WWC1: variants seen among roughly 807,000 people sequenced by gnomAD.
WWC1 encodes the protein WW and C2 domain containing 1.
In WWC1, 55 loss-of-function variants were observed where a neutral mutation model predicts 138.4. The ratio of observed to expected loss-of-function variants is 0.40; its 90% CI spans 0.32 to 0.50. WWC1 has a LOEUF of 0.50. Among genes scored for constraint, WWC1 ranks in the 20% least tolerant of loss-of-function variants. The pLI, the probability that WWC1 is intolerant of heterozygous loss-of-function variation, is 0.72. For missense variants in WWC1, 1,226 were observed against 1,420.4 expected, an observed-to-expected ratio of 0.86 and a Z score of 2.20; for synonymous variants, 524 against 564.9, an observed-to-expected ratio of 0.93 and a Z score of 1.03.
chr5:168,414,003 T>C lies in WWC1; in HGVS notation c.942-345T>C, dbSNP rs78356921. The C allele has an allele frequency of 9.7e-3, 2,459 of 254,816 alleles. 42 individuals are homozygous for C. Among genetic ancestry groups the C allele is most frequent in the Middle Eastern group, 0.01 (8 of 768 alleles). The allele number at this position is 254,816 out of a possible 1,614,324, so 15.8% of individuals were successfully genotyped here. A position where few individuals can be genotyped will look rare whatever the true frequency, so the allele number is the denominator to read the frequency against. ...AATAACATGAGGAAAGAGCTTTTGT[T>C]ATTCCATTCAGAGAGATGAGCAACT... On this transcript the variant is annotated intron_variant, in intron 8 of 22. Transcript: ENST00000265293.
At chr5:168,442,873 A>G (rs1754910732) in intron 16 of WWC1, among the ~76,000 whole-genome samples, 1 of 151,760 alleles carries the variant, frequency 6.6e-6, no homozygotes, top group Non-Finnish European at 1.5e-5. Flanking sequence ...AAAAGCTTAT[A>G]TTTGCTTATT....
intron 1 of WWC1, among the ~76,000 whole-genome samples, chr5:168,350,917 G>A (rs151169803): frequency 0.058 from 8,850 of 152,066 alleles, 348 homozygotes; most frequent in African/African-American, 0.11. Context: ...AGGCCGAGGC[G>A]GGCGGATCAT....
chr5:168,320,856 T>C (rs1236298451), intron 1 of WWC1, among the ~76,000 whole-genome samples: 1 of 152,024 alleles, frequency 6.6e-6, no homozygotes, highest in Non-Finnish European at 1.5e-5. Context: ...ATGTCTGGTT[T>C]CAAGAATGAG....
intron 9 of WWC1, chr5:168,416,653 C>G (rs1284267421): frequency 6.6e-6 from 1 of 152,202 alleles, no homozygotes; most frequent in African/African-American, 2.4e-5. Context: ...AGAACAGATT[C>G]ATGGCAGCTT....
chr5:168,304,828 C>T (rs1770403642), intron 1 of WWC1, among the ~76,000 whole-genome samples: 1 of 141,632 alleles, frequency 7.1e-6, no homozygotes, highest in Non-Finnish European at 1.6e-5. Context: ...AGCTTATGAA[C>T]TTTTTTTTTT....
intron 1 of WWC1, among the ~76,000 whole-genome samples, chr5:168,301,171 CA>C (rs1489303212): frequency 1.3e-5 from 2 of 152,142 alleles, no homozygotes; most frequent in African/African-American, 4.8e-5. Flanking sequence ...GGCCGAGAGA[CA>C]AGTCAAGTGA....
At chr5:168,416,064 A>G (rs993706048) in intron 9 of WWC1, 3 of 152,084 alleles carry the variant, frequency 2.0e-5, no homozygotes, top group Non-Finnish European at 1.5e-5. Context: ...CCCAGCTTGC[A>G]GTACCATTCT....
intron 1 of WWC1, among the ~76,000 whole-genome samples, chr5:168,332,727 G>A (rs1379691304): frequency 1.4e-5 from 2 of 141,942 alleles, no homozygotes; most frequent in African/African-American, 2.7e-5. Context: ...TTTTTTTTTT[G>A]TGACAGGGTC....
chr5:168,361,806 G>A (rs1420474263), intron 1 of WWC1, among the ~76,000 whole-genome samples: 2 of 152,206 alleles, frequency 1.3e-5, no homozygotes, highest in Non-Finnish European at 2.9e-5. Flanking sequence ...AAATCACTGG[G>A]TGCGGTGGCT....
In WWC1 at chr5:168,471,474, C is replaced by G. The variant is rs976678214; in HGVS notation, c.*2457C>G. On this transcript the variant is annotated 3_prime_UTR_variant, in exon 23 of 23. Transcript: ENST00000265293. ...AGGTTGTAGAGCACAAGGATGGTCTCGTGCTGCTCTGTGGCACCTGTGCCT... is the reference window on the plus strand; with the variant it reads ...AGGTTGTAGAGCACAAGGATGGTCTGGTGCTGCTCTGTGGCACCTGTGCCT... The G allele has an allele frequency of 6.6e-6, 1 of 152,288 alleles. No homozygotes were observed. The allele number at this position is 152,288 out of a possible 1,614,324, so 9.4% of individuals were successfully genotyped here.
At chr5:168,453,440 C>G (rs1186029914) in intron 17 of WWC1, among the ~76,000 whole-genome samples, 1 of 152,106 alleles carries the variant, frequency 6.6e-6, no homozygotes, top group Non-Finnish European at 1.5e-5. Context: ...GGAGAGAATT[C>G]TGGTGGGGAA....
chr5:168,420,799 C>G (rs865998485), intron 9 of WWC1, among the ~76,000 whole-genome samples: 1 of 152,216 alleles, frequency 6.6e-6, no homozygotes, highest in African/African-American at 2.4e-5. Context: ...CTCTGCATTG[C>G]TCAAGCCTCC....
At chr5:168,468,542 A>T (rs1490522527) in intron 22 of WWC1, among the ~76,000 whole-genome samples, 1 of 152,248 alleles carries the variant, frequency 6.6e-6, no homozygotes, top group East Asian at 1.9e-4. Flanking sequence ...TTTAAAATGT[A>T]TATTTGTACA....
At chr5:168,395,959 G>A (rs2152828583) in intron 3 of WWC1, among the ~76,000 whole-genome samples, 1 of 152,288 alleles carries the variant, frequency 6.6e-6, no homozygotes, top group Admixed American at 6.5e-5. Flanking sequence ...CCAAACAGTA[G>A]CATTCCCCTC....
intron 1 of WWC1, among the ~76,000 whole-genome samples, chr5:168,317,102 T>C (rs1268152339): frequency 6.6e-6 from 1 of 152,172 alleles, no homozygotes; most frequent in Non-Finnish European, 1.5e-5. Flanking sequence ...GTCCTCACCT[T>C]CCAGATGAGG....
chr5:168,325,334 G>T (rs764210899), intron 1 of WWC1, among the ~76,000 whole-genome samples: 1 of 152,316 alleles, frequency 6.6e-6, no homozygotes, highest in Middle Eastern at 3.4e-3. Flanking sequence ...GCTGAGATTG[G>T]CAGGGGCTGG....
At chr5:168,437,975 ATAAG>A (rs1754391271) in intron 15 of WWC1, among the ~76,000 whole-genome samples, 1 of 152,194 alleles carries the variant, frequency 6.6e-6, no homozygotes, top group South Asian at 2.1e-4. Flanking sequence ...GAATGAATAA[ATAAG>A]TATTAGACAA....
chr5:168,395,148 T>A (rs1191220676), intron 3 of WWC1, among the ~76,000 whole-genome samples: 1 of 152,232 alleles, frequency 6.6e-6, no homozygotes, highest in African/African-American at 2.4e-5. Flanking sequence ...AGCCAACCTC[T>A]CCCTGTCTGA....
intron 1 of WWC1, among the ~76,000 whole-genome samples, chr5:168,305,473 C>T (rs899993381): frequency 6.6e-6 from 1 of 152,264 alleles, no homozygotes; most frequent in Non-Finnish European, 1.5e-5. Flanking sequence ...TAATTTCCTG[C>T]GTCTTTTCTA....
Sources: gnomAD v4.1 joint callset for allele counts (sites outside exome capture counted in the v4.1 genomes callset) on GRCh38, gnomAD v4.1.1 for gene constraint, MANE v1.5 for transcripts, NCBI Gene and HGNC (gene_info 2026-07-23, HGNC 2026-07-21) for gene names.